Variants in COL5A2 observed in about 807,000 individuals in gnomAD.
COL5A2 encodes the protein collagen alpha-2(V) chain.
COL5A2 carries 23 observed loss-of-function variants against 208.2 expected under a neutral mutation model. The observed-to-expected ratio is 0.11, with a 90% CI of 0.08 to 0.16. The LOEUF is 0.16. Among genes scored for constraint, COL5A2 ranks in the 10% least tolerant of loss-of-function variants. The pLI, the probability that COL5A2 is intolerant of heterozygous loss-of-function variation, is 1.00. For synonymous variants in COL5A2, 625 were observed against 628.5 expected (o/e 0.99, Z 0.08); for missense variants, 1,590 against 1,956.4 (o/e 0.81, Z 3.53).
chr2:189,164,610 G>A (rs1688432138), intron 1 of COL5A2, among the ~76,000 whole-genome samples: 1 of 151,502 alleles, frequency 6.6e-6, no homozygotes. Context: ...ATTTTATTTT[G>A]CATTTAGCTA....
chr2:189,320,334 G>C, the COL5A2 span, among the ~76,000 whole-genome samples: 1 of 152,238 alleles, frequency 6.6e-6, no homozygotes, highest in Non-Finnish European at 1.5e-5. Context: ...TTGATGAGTT[G>C]AGAGAAGAAG....
the COL5A2 span, among the ~76,000 whole-genome samples, chr2:189,244,093 T>C: frequency 1.3e-5 from 2 of 152,216 alleles, no homozygotes; most frequent in South Asian, 2.1e-4. Context: ...CCTCCAGGCC[T>C]GTGATGGGAG....
the COL5A2 span, among the ~76,000 whole-genome samples, chr2:189,293,408 T>C: frequency 6.6e-6 from 1 of 152,128 alleles, no homozygotes; most frequent in Non-Finnish European, 1.5e-5. Flanking sequence ...TCAGCTAGGA[T>C]AAGTCTGAAG....
the COL5A2 span, among the ~76,000 whole-genome samples, chr2:189,405,136 A>G: frequency 3.0e-4 from 45 of 152,332 alleles, no homozygotes; most frequent in African/African-American, 9.9e-4. Flanking sequence ...TATCAATATT[A>G]TTGCTAACTG....
the COL5A2 span, among the ~76,000 whole-genome samples, chr2:189,370,302 C>G: frequency 6.6e-6 from 1 of 151,966 alleles, no homozygotes; most frequent in Admixed American, 6.6e-5. Flanking sequence ...GTTCCTATTC[C>G]CCTCATCTGC....
chr2:189,297,378 G>T, the COL5A2 span, among the ~76,000 whole-genome samples: 1 of 152,014 alleles, frequency 6.6e-6, no homozygotes, highest in Non-Finnish European at 1.5e-5. Flanking sequence ...TGATTTTTGT[G>T]TATGTTTTGT....
At position 189,033,829 on chromosome 2, in the gene COL5A2, C is replaced by T; in HGVS notation, c.*241G>A. On this transcript the variant is annotated 3_prime_UTR_variant, in exon 54 of 54. Coordinates refer to ENST00000374866, the MANE Select transcript of COL5A2 (RefSeq NM_000393.5). ...TGCAAAGGTGGTCATTGTCATTGGTCATCTTAAACCTAAACTGTTGTATTG... is the reference window on the plus strand; with the variant it reads ...TGCAAAGGTGGTCATTGTCATTGGTTATCTTAAACCTAAACTGTTGTATTG... 2 of 540,410 alleles carry T rather than the reference C, an allele frequency of 3.7e-6. No homozygotes were observed. Among genetic ancestry groups the T allele is most frequent in the Non-Finnish European group, 6.6e-6 (2 of 303,818 alleles). The allele number at this position is 540,410 out of a possible 1,614,324, so 33.5% of individuals were successfully genotyped here. A position where few individuals can be genotyped will look rare whatever the true frequency, so the allele number is the denominator to read the frequency against.
At chr2:189,437,094 G>C in the COL5A2 span, among the ~76,000 whole-genome samples, 6 of 152,150 alleles carry the variant, frequency 3.9e-5, no homozygotes, top group East Asian at 1.2e-3. Flanking sequence ...TCCAAGATCA[G>C]CGCTACTGAT....
At chr2:189,440,883 G>A in the COL5A2 span, among the ~76,000 whole-genome samples, 1 of 152,188 alleles carries the variant, frequency 6.6e-6, no homozygotes, top group Non-Finnish European at 1.5e-5. Flanking sequence ...CCAGAATCCC[G>A]GAGTAGGAGC....
At chr2:189,286,776 G>T in the COL5A2 span, among the ~76,000 whole-genome samples, 3 of 152,006 alleles carry the variant, frequency 2.0e-5, no homozygotes, top group African/African-American at 7.2e-5. Context: ...AATACAATAT[G>T]GAATTAGTTT....
chr2:189,147,350 C>G (rs1688059444), intron 1 of COL5A2, among the ~76,000 whole-genome samples: 1 of 152,074 alleles, frequency 6.6e-6, no homozygotes, highest in South Asian at 2.1e-4. Context: ...CCAGAAAAGA[C>G]AAGTTGTCAA....
At position 189,088,696 on chromosome 2, in the gene COL5A2, A is replaced by G; in HGVS notation, c.644T>C (p.Val215Ala). Residue 215 changes from valine (V) to alanine (A), a missense_variant and splice_region_variant, in exon 8 of 54, where the codon GTG (valine) becomes GCG (alanine). By Grantham distance (64) the Val-to-Ala change is moderately conservative. Transcript: ENST00000374866. ...ATGATCAGTAAAATTTATGCTTACCACAGAGCCAGGCATTAGTCCTACTTG... is the reference window on the plus strand; with the variant it reads ...ATGATCAGTAAAATTTATGCTTACCGCAGAGCCAGGCATTAGTCCTACTTG... ...GSQVGLMPGS[V>A]GPVGPRGPQG... The G allele has an allele frequency of 6.2e-7, 1 of 1,613,018 alleles. No homozygotes were observed. Among genetic ancestry groups the G allele is most frequent in the African/African-American group, 1.3e-5 (1 of 75,010 alleles).
At chr2:189,317,133 T>C in the COL5A2 span, among the ~76,000 whole-genome samples, 2 of 152,126 alleles carry the variant, frequency 1.3e-5, no homozygotes, top group African/African-American at 4.8e-5. Flanking sequence ...TATGAAGTCA[T>C]TTCTATAGCA....
At chr2:189,419,832 G>A in the COL5A2 span, among the ~76,000 whole-genome samples, 1 of 150,352 alleles carries the variant, frequency 6.7e-6, no homozygotes. Context: ...GAGAGGAGAG[G>A]AGAGGAAAGG....
chr2:189,336,762 T>C, the COL5A2 span, among the ~76,000 whole-genome samples: 1 of 152,176 alleles, frequency 6.6e-6, no homozygotes, highest in Non-Finnish European at 1.5e-5. Context: ...CTGTTATGTA[T>C]TGGTTTGAGT....
At chr2:189,181,432 A>T (rs557669575), upstream of COL5A2, among the ~76,000 whole-genome samples, 3 of 152,346 alleles carry the variant, frequency 2.0e-5, no homozygotes, top group South Asian at 2.1e-4. Flanking sequence ...TCTTTCTAGA[A>T]TATCTTAGAG....
intron 1 of COL5A2, among the ~76,000 whole-genome samples, chr2:189,204,091 G>T (rs546050156): frequency 3.6e-4 from 55 of 152,120 alleles, no homozygotes; most frequent in African/African-American, 1.2e-3. Flanking sequence ...CAGAGACGGG[G>T]TTTCACAATG....
chr2:189,041,427 A>G (rs957681717), intron 50 of COL5A2, among the ~76,000 whole-genome samples, 159 bp downstream of exon 50: 2 of 152,166 alleles, frequency 1.3e-5, no homozygotes, highest in African/African-American at 4.8e-5. Flanking sequence ...ATCTGTATTA[A>G]AATACTTGAA....
At chr2:189,301,456 G>A in the COL5A2 span, among the ~76,000 whole-genome samples, 1 of 152,072 alleles carries the variant, frequency 6.6e-6, no homozygotes, top group Non-Finnish European at 1.5e-5. Context: ...AAATTTGTAT[G>A]TGTTTATTTG....
Sources: gnomAD v4.1 joint callset for allele counts (sites outside exome capture counted in the v4.1 genomes callset) on GRCh38, gnomAD v4.1.1 for gene constraint, MANE v1.5 for transcripts, NCBI Gene and HGNC (gene_info 2026-07-23, HGNC 2026-07-21) for gene names.